Variants in TENM1 observed in about 807,000 individuals in gnomAD.
TENM1 encodes the protein teneurin-1.
TENM1 carries 35 observed loss-of-function variants against 174.8 expected under a neutral mutation model. The ratio of observed to expected loss-of-function variants is 0.20; its 90% CI spans 0.15 to 0.27. TENM1 has a LOEUF of 0.27. TENM1 is among the 10% of genes least tolerant of loss of function. TENM1 has a pLI of 1.00. For synonymous variants in TENM1, 781 were observed against 798.7 expected, an observed-to-expected ratio of 0.98 and a Z score of 0.37; for missense variants, 1,633 against 2,130.1, an observed-to-expected ratio of 0.77 and a Z score of 4.59.
the TENM1 span, among the ~76,000 whole-genome samples, chrX:125,045,820 C>T: frequency 2.7e-5 from 3 of 111,983 alleles, no homozygotes; most frequent in Non-Finnish European, 5.6e-5. Context: ...GTTTAAAGTA[C>T]ATCAGTGACT....
chrX:125,183,473 C>A, the TENM1 span, among the ~76,000 whole-genome samples: 2 of 111,663 alleles, frequency 1.8e-5, no homozygotes, highest in Non-Finnish European at 3.8e-5. Flanking sequence ...ATGAAAGGTG[C>A]CAGATTGAAA....
At chrX:124,837,604 C>G (rs1362976171) in intron 3 of TENM1, among the ~76,000 whole-genome samples, 1 of 111,941 alleles carries the variant, frequency 8.9e-6, no homozygotes, top group African/African-American at 3.2e-5. Flanking sequence ...AACACTGCCT[C>G]TAAACATTTC....
At chrX:124,819,339 T>C (rs1343468624) in intron 3 of TENM1, among the ~76,000 whole-genome samples, 2 of 111,262 alleles carry the variant, frequency 1.8e-5, no homozygotes, top group East Asian at 2.8e-4. Context: ...TGAGTTTCTA[T>C]TGCACCTTAA....
At chrX:124,607,058 T>G (rs755004063) in intron 11 of TENM1, among the ~76,000 whole-genome samples, 4 of 110,046 alleles carry the variant, frequency 3.6e-5, no homozygotes, top group Middle Eastern at 4.6e-3. Flanking sequence ...CATTAAGGAA[T>G]GAGACAAAAT....
chrX:124,576,395 A>G (rs2049167690), intron 11 of TENM1, among the ~76,000 whole-genome samples: 1 of 110,107 alleles, frequency 9.1e-6, no homozygotes, highest in Non-Finnish European at 1.9e-5. Context: ...ATGATCTGTC[A>G]TGAGTGGTAG....
chrX:124,506,415 C>T (rs1417216493), intron 18 of TENM1, among the ~76,000 whole-genome samples: 1 of 111,477 alleles, frequency 9.0e-6, no homozygotes. Context: ...GAATTGCTCT[C>T]CAGTTCACAA....
At chrX:125,125,645 T>G in the TENM1 span, among the ~76,000 whole-genome samples, 21 of 111,845 alleles carry the variant, frequency 1.9e-4, no homozygotes, top group South Asian at 7.8e-3. Context: ...CATGCCAGAG[T>G]GCTTTAACCT....
intron 25 of TENM1, among the ~76,000 whole-genome samples, chrX:124,417,008 A>G (rs541913337): frequency 2.7e-5 from 3 of 111,637 alleles, no homozygotes; most frequent in African/African-American, 9.8e-5. Flanking sequence ...CTTGACCTTG[A>G]ACTTCCCAAC....
chrX:124,964,857 A>T (rs1208129112), upstream of TENM1, among the ~76,000 whole-genome samples: 2 of 112,263 alleles, frequency 1.8e-5, no homozygotes. Flanking sequence ...TTTTGCAGTG[A>T]AACTGACTCT....
chrX:125,112,016 C>A, the TENM1 span, among the ~76,000 whole-genome samples: 1 of 110,636 alleles, frequency 9.0e-6, no homozygotes, highest in Admixed American at 9.7e-5. Flanking sequence ...TTTCTTTACC[C>A]CTATTATGCA....
chrX:124,637,541 G>A (rs765711941), intron 11 of TENM1, among the ~76,000 whole-genome samples: 4 of 110,776 alleles, frequency 3.6e-5, no homozygotes, highest in Non-Finnish European at 5.7e-5. Context: ...GTCATTTACC[G>A]AACGACTTTG....
chrX:124,685,050 G>C (rs1021556885), intron 5 of TENM1, among the ~76,000 whole-genome samples: 7 of 110,723 alleles, frequency 6.3e-5, no homozygotes, highest in African/African-American at 1.7e-4. Context: ...GGTGAAGCCA[G>C]TCTTTAATGA....
intron 3 of TENM1, among the ~76,000 whole-genome samples, chrX:124,763,431 A>G (rs2054467967): frequency 9.0e-6 from 1 of 111,519 alleles, no homozygotes; most frequent in Non-Finnish European, 1.9e-5. Flanking sequence ...AGTGTTAGGT[A>G]TGCTATGTGC....
In TENM1 at chrX:124,565,640, C is replaced by A. The variant is rs1274178478; in HGVS notation, c.2078-80G>T. On this transcript the variant is annotated intron_variant, in intron 11 of 31. Transcript: ENST00000422452. ...TTCTTCCAAAAAACATTATAATTAC[C>A]AAAAATCCCTGTCTATATTTATATT... The A allele has an allele frequency of 9.5e-6, 6 of 629,970 alleles. No individual in the cohort carries two copies. The Admixed American group carries it at 2.9e-4, about 31-fold the overall frequency. The allele number at this position is 629,970 out of a possible 1,213,427, so 51.9% of individuals were successfully genotyped here.
At chrX:124,565,146 TAAGG>T (rs1422875105) in intron 12 of TENM1, among the ~76,000 whole-genome samples, 1 of 111,680 alleles carries the variant, frequency 9.0e-6, no homozygotes, top group Non-Finnish European at 1.9e-5. Context: ...GCAGAAAACA[TAAGG>T]AATACTGAAG....
intron 23 of TENM1, among the ~76,000 whole-genome samples, chrX:124,424,811 C>G (rs1490863282): frequency 1.8e-5 from 2 of 110,431 alleles, no homozygotes; most frequent in Non-Finnish European, 3.8e-5. Context: ...AGCACCTTCC[C>G]CTTCTCTCTC....
chrX:124,414,259 A>G (rs1161419549), intron 25 of TENM1, among the ~76,000 whole-genome samples: 3 of 111,846 alleles, frequency 2.7e-5, no homozygotes, highest in Non-Finnish European at 5.6e-5. Flanking sequence ...GGGCCTGACG[A>G]ACCGTCAACT....
chrX:124,550,388 G>C (rs571244537), intron 14 of TENM1, among the ~76,000 whole-genome samples: 1 of 112,046 alleles, frequency 8.9e-6, no homozygotes, highest in African/African-American at 3.2e-5. Flanking sequence ...ATTCATGGTA[G>C]GTTATACAAA....
At chrX:124,657,491 G>A (rs1247655118) in intron 6 of TENM1, among the ~76,000 whole-genome samples, 1 of 111,659 alleles carries the variant, frequency 9.0e-6, no homozygotes, top group Non-Finnish European at 1.9e-5. Flanking sequence ...AATGTGTGCA[G>A]TGGCGGTATC....
Sources: gnomAD v4.1 joint callset for allele counts (sites outside exome capture counted in the v4.1 genomes callset) on GRCh38, gnomAD v4.1.1 for gene constraint, MANE v1.5 for transcripts, NCBI Gene and HGNC (gene_info 2026-07-23, HGNC 2026-07-21) for gene names.